MAP4K3: variants seen among roughly 807,000 people sequenced by gnomAD.
MAP4K3 encodes the protein MAPK/ERK kinase kinase kinase 3.
A neutral mutation model predicts 143.5 loss-of-function variants in MAP4K3; 94 were observed. The observed-to-expected ratio is 0.65, with a 90% CI of 0.55 to 0.78. The LOEUF (loss-of-function observed/expected upper bound fraction) is 0.78, where lower values mean the gene tolerates loss of function less well. Among genes scored for constraint, MAP4K3 ranks in the 30% least tolerant of loss-of-function variants. MAP4K3 has a pLI of 0.00. For missense variants in MAP4K3, 1,077 were observed against 1,068.1 expected (o/e 1.01, Z -0.12); for synonymous variants, 416 against 347.2 (o/e 1.20, Z -2.20).
chr2:39,374,614 A>T (rs910659792), intron 2 of MAP4K3, among the ~76,000 whole-genome samples: 2 of 151,966 alleles, frequency 1.3e-5, no homozygotes, highest in African/African-American at 2.4e-5. Flanking sequence ...CCTGGGAGGC[A>T]GAGGTTGCAG....
In MAP4K3 at chr2:39,360,219, G is replaced by A. The variant is rs368128296; in HGVS notation, c.155-3880C>T. ...ATCTCTAGGGCAGGGGCAAAATGCC[G>A]CCACTCTCTTTGCTAAAGCCTAACA... On this transcript the variant is annotated intron_variant, in intron 2 of 33. Transcript: ENST00000263881. 5.5e-4 allele frequency among the ~76,000 whole-genome samples: 83 copies of A among 152,224 alleles called. No homozygotes were observed. In the South Asian group the frequency reaches 0.013, roughly 24 times the overall value.
In MAP4K3 at chr2:39,284,272, G is replaced by A. The variant is rs752819008; in HGVS notation, c.1588-1718C>T. Among the ~76,000 whole-genome samples, 107 of 151,818 alleles carry A rather than the reference G, an allele frequency of 7.0e-4. 1 individual carries two copies. Among genetic ancestry groups the A allele is most frequent in the South Asian group, 8.3e-4 (4 of 4,810 alleles). On this transcript the variant is annotated intron_variant, in intron 21 of 33. Coordinates refer to ENST00000263881, the MANE Select transcript of MAP4K3 (RefSeq NM_003618.4). Reference sequence around the variant, plus strand: ...TGCCTCCCAGGTTCAAGTGATTCTCGTGCCTCAGCCTCCTGAGTAGCTGAG... The same window carrying A: ...TGCCTCCCAGGTTCAAGTGATTCTCATGCCTCAGCCTCCTGAGTAGCTGAG...
intron 16 of MAP4K3, among the ~76,000 whole-genome samples, chr2:39,293,508 A>T (rs1241319797): frequency 6.6e-6 from 1 of 152,144 alleles, no homozygotes; most frequent in Non-Finnish European, 1.5e-5. Context: ...AACAAAATAA[A>T]TCCTAATATT....
At chr2:39,384,381 AC>A (rs1666437048) in intron 1 of MAP4K3, among the ~76,000 whole-genome samples, 1 of 152,190 alleles carries the variant, frequency 6.6e-6, no homozygotes, top group Non-Finnish European at 1.5e-5. Context: ...CACCATCTCT[AC>A]TAAAAATACA....
intron 28 of MAP4K3, among the ~76,000 whole-genome samples, chr2:39,262,180 C>T (rs897866625): frequency 6.6e-6 from 1 of 152,106 alleles, no homozygotes; most frequent in African/African-American, 2.4e-5. Context: ...CTCATAAATT[C>T]TAAAGAAAAG....
At chr2:39,250,761 A>G in intron 33 of MAP4K3, 56 bp from the exon 34 acceptor site, 2 of 1,444,242 alleles carry the variant, frequency 1.4e-6, no homozygotes. Flanking sequence ...AATTAATGTT[A>G]GCTCCCAAAT....
rs746935655 is a variant in MAP4K3 at position 39,343,357 on chromosome 2, A to C, written c.310+31T>G. The C allele has an allele frequency of 4.0e-6, 6 of 1,483,306 alleles. No individual in the cohort carries two copies. The East Asian group carries it at 9.1e-5, about 22-fold the overall frequency. 91.9% of individuals were successfully genotyped at this position (1,483,306 alleles called of 1,614,324 possible). Reference sequence around the variant, plus strand: ...AGCTGTATTTTAAGAAATTCAACCTAACCCCTATAAAAATACAACTTTGGT... The same window carrying C: ...AGCTGTATTTTAAGAAATTCAACCTCACCCCTATAAAAATACAACTTTGGT... On this transcript the variant is annotated intron_variant, in intron 4 of 33. Coordinates refer to ENST00000263881, the MANE Select transcript of MAP4K3 (RefSeq NM_003618.4).
At chr2:39,302,366 TAA>T (rs1374432817) in intron 15 of MAP4K3, among the ~76,000 whole-genome samples, 1 of 152,174 alleles carries the variant, frequency 6.6e-6, no homozygotes, top group Non-Finnish European at 1.5e-5. Flanking sequence ...TAAATCCTTC[TAA>T]AAAGTTTCTA....
intron 1 of MAP4K3, among the ~76,000 whole-genome samples, chr2:39,435,868 T>C (rs1433008477): frequency 6.6e-6 from 1 of 152,228 alleles, no homozygotes; most frequent in Non-Finnish European, 1.5e-5. Flanking sequence ...GGCTGCACTG[T>C]ATTAAATATG....
rs943655823 is a variant in MAP4K3 at position 39,391,394 on chromosome 2, G to T, written c.97-13271C>A. On this transcript the variant is annotated intron_variant, in intron 1 of 33. Transcript: ENST00000263881. The stretch of plus-strand genomic sequence containing the variant: ...AAAAAAAAAAAAAGAAAGAAAGAAA[G>T]AATATATACTATACTCTCCTCCTAG... Among the ~76,000 whole-genome samples, 135 of 113,706 alleles carry T rather than the reference G, an allele frequency of 1.2e-3. 1 individual carries two copies. Among genetic ancestry groups the T allele is most frequent in the African/African-American group, 3.7e-3 (122 of 32,776 alleles). 74.6% of individuals were successfully genotyped at this position (113,706 alleles called of 152,430 possible). A position where few individuals can be genotyped will look rare whatever the true frequency, so the allele number is the denominator to read the frequency against.
chr2:39,407,641 G>A (rs1279066222), intron 1 of MAP4K3, among the ~76,000 whole-genome samples: 4 of 152,074 alleles, frequency 2.6e-5, no homozygotes, highest in Non-Finnish European at 5.9e-5. Flanking sequence ...GCATGACCTT[G>A]GATCACTGCA....
At chr2:39,368,161 C>T (rs941990033) in intron 2 of MAP4K3, among the ~76,000 whole-genome samples, 2 of 152,078 alleles carry the variant, frequency 1.3e-5, no homozygotes, top group South Asian at 2.1e-4. Context: ...TGGAGTATAT[C>T]GCGCCCCCTG....
intron 2 of MAP4K3, among the ~76,000 whole-genome samples, chr2:39,357,372 A>T (rs981354880): frequency 1.3e-5 from 2 of 152,244 alleles, no homozygotes; most frequent in East Asian, 1.9e-4. Flanking sequence ...GTAGCAAAGT[A>T]AAAAACAGAA....
chr2:39,402,984 T>C (rs1266979009), intron 1 of MAP4K3, among the ~76,000 whole-genome samples: 1 of 152,120 alleles, frequency 6.6e-6, no homozygotes, highest in Non-Finnish European at 1.5e-5. Context: ...AGACACAAAC[T>C]ACCAAATCTC....
rs1256182257 is a variant in MAP4K3, at chr2:39,282,496, C to T, written c.1629+17G>A. 1 of 1,602,962 alleles carries T rather than the reference C, an allele frequency of 6.2e-7. No individual in the cohort carries two copies. Among genetic ancestry groups the T allele is most frequent in the Non-Finnish European group, 8.5e-7 (1 of 1,172,184 alleles). On this transcript the variant is annotated intron_variant, in intron 22 of 33. Coordinates refer to ENST00000263881, the MANE Select transcript of MAP4K3 (RefSeq NM_003618.4). ...GACTTAGCTTGAAACTTAGCCTACT[C>T]CATATTTAGTACTTACATGCACTTT...
intron 1 of MAP4K3, among the ~76,000 whole-genome samples, chr2:39,430,726 T>C (rs1418318782): frequency 6.6e-6 from 1 of 152,230 alleles, no homozygotes; most frequent in Non-Finnish European, 1.5e-5. Context: ...AGTATCTTCA[T>C]ATGCATATAA....
rs565915597 is a variant in MAP4K3 at position 39,262,875 on chromosome 2, C to T, written c.2137-2098G>A. ...ATCCCAGCACTTTGGGAGTATGACG[C>T]GGGTGGATCACCTGAGGTCAGGAGT... On this transcript the variant is annotated intron_variant, in intron 28 of 33. Coordinates refer to ENST00000263881, the MANE Select transcript of MAP4K3 (RefSeq NM_003618.4). Among the ~76,000 whole-genome samples the T allele has an allele frequency of 2.6e-3, 390 of 152,100 alleles. 6 individuals are homozygous for T. The South Asian group carries it at 0.029, about 11-fold the overall frequency.
intron 1 of MAP4K3, among the ~76,000 whole-genome samples, chr2:39,405,468 A>G (rs372952585): frequency 1.3e-5 from 2 of 152,212 alleles, no homozygotes; most frequent in Admixed American, 1.3e-4. Context: ...ACAAGCCCAG[A>G]CTAGAAAGAC....
chr2:39,369,645 A>G (rs1240715589), intron 2 of MAP4K3, among the ~76,000 whole-genome samples: 1 of 152,164 alleles, frequency 6.6e-6, no homozygotes, highest in Non-Finnish European at 1.5e-5. Context: ...TACTAGCAAA[A>G]TCCTAGCCAG....
Sources: allele counts gnomAD v4.1 joint callset (sites outside exome capture counted in the v4.1 genomes callset), GRCh38; gene constraint gnomAD v4.1.1; transcripts MANE v1.5; gene names NCBI Gene and HGNC (gene_info 2026-07-23, HGNC 2026-07-21).